Variants in QKI observed in about 807,000 individuals in gnomAD.
QKI encodes the protein QKI, KH domain containing RNA binding.
In QKI, 10 loss-of-function variants were observed where a neutral mutation model predicts 39.0. The observed-to-expected ratio is 0.26, with a 90% confidence interval of 0.16 to 0.43. The LOEUF (loss-of-function observed/expected upper bound fraction) is 0.43, where lower values mean the gene tolerates loss of function less well. QKI is among the 20% of genes least tolerant of loss of function. The pLI, the probability that QKI is intolerant of heterozygous loss-of-function variation, is 1.00. For missense variants in QKI, 218 were observed against 428.0 expected, an observed-to-expected ratio of 0.51 and a Z score of 4.33; for synonymous variants, 204 against 155.4, an observed-to-expected ratio of 1.31 and a Z score of -2.33.
rs532630780 is a variant in QKI at position 163,548,175 on chromosome 6, T to C, written c.546+13050T>C. The stretch of plus-strand genomic sequence containing the variant: ...TGTAGAATTATTAGAACTGAATGTT[T>C]GTTTGTTTGTTTATCCCCTTGCCCC... On this transcript the variant is annotated intron_variant, in intron 4 of 7. Transcript: ENST00000361752. Among the ~76,000 whole-genome samples the C allele has an allele frequency of 2.1e-4, 7 of 32,786 alleles. 1 individual carries two copies. In the South Asian group the frequency reaches 0.014, roughly 65 times the overall value. The allele number at this position is 32,786 out of a possible 152,430, so 21.5% of individuals were successfully genotyped here.
intron 3 of QKI, among the ~76,000 whole-genome samples, chr6:163,533,316 C>G (rs1335727944): frequency 2.0e-5 from 3 of 152,160 alleles, no homozygotes; most frequent in Non-Finnish European, 4.4e-5. Flanking sequence ...TTTCTTGATT[C>G]ATTGACTCCT....
intron 2 of QKI, among the ~76,000 whole-genome samples, chr6:163,461,976 A>G (rs961238413): frequency 1.3e-5 from 2 of 152,126 alleles, no homozygotes; most frequent in African/African-American, 2.4e-5. Flanking sequence ...TTTTGATTTC[A>G]GTTTGGGCGG....
At chr6:163,567,841 A>G (rs901602698) in intron 7 of QKI, 2 of 985,018 alleles carry the variant, frequency 2.0e-6, no homozygotes, top group African/African-American at 3.5e-5. Context: ...TCAATTGTAC[A>G]TCTTCTATGA....
rs1783915394 is a variant in QKI at position 163,575,183 on chromosome 6, C to T, written c.*4473C>T. 6.6e-6 allele frequency: 1 copy of T among 152,194 alleles called. No individual in the cohort carries two copies. The highest frequency in any genetic ancestry group is 1.5e-5 in the Non-Finnish European group (1 of 68,040). The allele number at this position is 152,194 out of a possible 1,614,324, so 9.4% of individuals were successfully genotyped here. On this transcript the variant is annotated 3_prime_UTR_variant, in exon 8 of 8. Coordinates refer to ENST00000361752, the MANE Select transcript of QKI (RefSeq NM_006775.3). ...GTAGTCTGTGAAAATTCGAAGCTGT[C>T]TGTCAAGCTGCTAATATACAAGTTG...
intron 4 of QKI, among the ~76,000 whole-genome samples, chr6:163,536,440 T>TAAAA (rs1781215560): frequency 6.6e-6 from 1 of 152,228 alleles, no homozygotes; most frequent in Non-Finnish European, 1.5e-5. Flanking sequence ...TATATGTTGA[T>TAAAA]CAACTGTCAG....
At chr6:163,466,668 TGA>T (rs1791780313) in intron 2 of QKI, among the ~76,000 whole-genome samples, 1 of 152,130 alleles carries the variant, frequency 6.6e-6, no homozygotes, top group African/African-American at 2.4e-5. Context: ...AACTGGATAT[TGA>T]CATTCCAAAG....
intron 3 of QKI, among the ~76,000 whole-genome samples, chr6:163,502,608 A>G (rs1778843451): frequency 6.6e-6 from 1 of 152,166 alleles, no homozygotes; most frequent in Non-Finnish European, 1.5e-5. Context: ...TCTAAGAGAA[A>G]AATAGTGATT....
chr6:163,558,286 G>A (rs997779615), intron 4 of QKI, among the ~76,000 whole-genome samples: 1 of 152,080 alleles, frequency 6.6e-6, no homozygotes. Flanking sequence ...CAGTGTTTAG[G>A]CAGGTACGTA....
intron 3 of QKI, among the ~76,000 whole-genome samples, chr6:163,510,440 A>T (rs1248584694): frequency 1.3e-5 from 2 of 150,728 alleles, no homozygotes; most frequent in African/African-American, 4.9e-5. Context: ...GCATCCCTAT[A>T]ACCCCAGCTA....
chr6:163,415,497 CTTGCGGCGGGCGGGCGGGCCGGGG>C (rs1345060857), intron 1 of QKI, among the ~76,000 whole-genome samples, 162 bp downstream of exon 1: 1 of 150,536 alleles, frequency 6.6e-6, no homozygotes, highest in Non-Finnish European at 1.5e-5. Flanking sequence ...CCGGGCCGGG[CTTGCGGCGGGCGGGCGGGCCGGGG>C]TGGACCCGCC....
At chr6:163,435,636 A>G (rs905055315) in intron 1 of QKI, among the ~76,000 whole-genome samples, 1 of 152,172 alleles carries the variant, frequency 6.6e-6, no homozygotes, top group Non-Finnish European at 1.5e-5. Flanking sequence ...TTTGTATTTT[A>G]TAAAGTATTT....
At chr6:163,537,443 G>C (rs1781271868) in intron 4 of QKI, among the ~76,000 whole-genome samples, 1 of 152,168 alleles carries the variant, frequency 6.6e-6, no homozygotes, top group African/African-American at 2.4e-5. Context: ...TGACTTCTAT[G>C]AAAATGCAAC....
At position 163,470,546 on chromosome 6, in the gene QKI, CAAG is replaced by C. The variant is rs1399609470; in HGVS notation, c.286-8233_286-8231del. On this transcript the variant is annotated intron_variant, in intron 2 of 7. Transcript: ENST00000361752. ...TGACACACACTAGAAAATAAGCACA[CAAG>C]GAGACAAGATGACATTAACAAAAAT... Among the ~76,000 whole-genome samples the C allele has an allele frequency of 7.9e-5, 12 of 152,014 alleles. No homozygotes were observed. In the East Asian group the frequency reaches 1.9e-3, roughly 24 times the overall value.
chr6:163,461,607 A>G (rs1331993859), intron 2 of QKI, among the ~76,000 whole-genome samples: 2 of 152,210 alleles, frequency 1.3e-5, no homozygotes, highest in Non-Finnish European at 2.9e-5. Context: ...TAGGTGTTCA[A>G]TCTCCATATC....
intron 7 of QKI, 118 bp from the exon 8 acceptor site, chr6:163,570,576 T>TA (rs1410055402): frequency 1.3e-6 from 2 of 1,533,080 alleles, no homozygotes; most frequent in Non-Finnish European, 1.7e-6. Flanking sequence ...CTTTTTTTTT[T>TA]ATTAGTTGTG....
chr6:163,559,666 C>G (rs1782875112), intron 4 of QKI, among the ~76,000 whole-genome samples: 1 of 152,142 alleles, frequency 6.6e-6, no homozygotes, highest in East Asian at 1.9e-4. Flanking sequence ...AAAACATTGT[C>G]TTTATGTTTC....
chr6:163,562,146 A>G (rs1225211707), intron 5 of QKI, 77 bp downstream of exon 5: 1 of 987,214 alleles, frequency 1.0e-6, no homozygotes, highest in African/African-American at 1.6e-5. Context: ...TTTTGGCAAC[A>G]CAATAATAGT....
rs115415405 is a variant in QKI at position 163,436,868 on chromosome 6, G to A, written c.143-18411G>A. On this transcript the variant is annotated intron_variant, in intron 1 of 7. Transcript: ENST00000361752. ...TTGCTAAAGCAAGAACCAGTAAATT[G>A]TATATTTTTCATTGAAAGTAGTTCC... Among the ~76,000 whole-genome samples the A allele has an allele frequency of 3.3e-3, 488 of 148,240 alleles. 1 individual carries two copies. Among genetic ancestry groups the A allele is most frequent in the African/African-American group, 0.011 (458 of 40,648 alleles).
intron 1 of QKI, among the ~76,000 whole-genome samples, chr6:163,429,293 G>T (rs1280862494): frequency 6.6e-6 from 1 of 151,980 alleles, no homozygotes; most frequent in Non-Finnish European, 1.5e-5. Flanking sequence ...CAATTAAAAA[G>T]TTAAAAGTAC....
Sources: gnomAD v4.1 joint callset for allele counts (sites outside exome capture counted in the v4.1 genomes callset) on GRCh38, gnomAD v4.1.1 for gene constraint, MANE v1.5 for transcripts, NCBI Gene and HGNC (gene_info 2026-07-23, HGNC 2026-07-21) for gene names.